Variants in MLXIPL observed in about 807,000 individuals in gnomAD.
MLXIPL encodes carbohydrate-responsive element-binding protein.
A neutral mutation model predicts 81.5 loss-of-function variants in MLXIPL; 49 were observed. The ratio of observed to expected loss-of-function variants is 0.60; its 90% CI spans 0.48 to 0.76. MLXIPL has a LOEUF of 0.76. Ranked by LOEUF, MLXIPL falls within the 30% of genes least tolerant of loss-of-function variation. The pLI is 0.00. For synonymous variants in MLXIPL, 466 were observed against 485.5 expected, an observed-to-expected ratio of 0.96 and a Z score of 0.53; for missense variants, 1,053 against 1,167.0, an observed-to-expected ratio of 0.90 and a Z score of 1.42.
chr7:73,635,665 A>C, the MLXIPL span, among the ~76,000 whole-genome samples: 4 of 150,802 alleles, frequency 2.7e-5, no homozygotes, highest in African/African-American at 9.8e-5. Context: ...TCTTCTATCT[A>C]TCCATCCATC....
the MLXIPL span, among the ~76,000 whole-genome samples, chr7:73,632,882 C>T: frequency 6.6e-6 from 1 of 151,200 alleles, no homozygotes; most frequent in Non-Finnish European, 1.5e-5. Context: ...TAGCTTCAAG[C>T]GATTCTCCTG....
At chr7:73,612,908 G>C (rs1265322898) in intron 2 of MLXIPL, among the ~76,000 whole-genome samples, 10 of 152,290 alleles carry the variant, frequency 6.6e-5, no homozygotes, top group Middle Eastern at 3.4e-3. Context: ...CAGCTTAGCG[G>C]GAGAGATAAG....
rs375307110 is a variant in MLXIPL, at chr7:73,597,686, C to A, written c.1099G>T (p.Asp367Tyr). 7.3e-7 allele frequency: 1 copy of A among 1,366,660 alleles called. No individual in the cohort carries two copies. Among genetic ancestry groups the A allele is most frequent in the Non-Finnish European group, 9.4e-7 (1 of 1,063,946 alleles). The allele number at this position is 1,366,660 out of a possible 1,614,324, so 84.7% of individuals were successfully genotyped here. The change falls in exon 9 of 17, where the codon GAC (aspartate) becomes TAC (tyrosine). Residue 367 changes from aspartate (D) to tyrosine (Y), a missense_variant. By Grantham distance (160) the Asp-to-Tyr change is radical. Transcript: ENST00000313375. The part of the protein sequence containing the change: ...QARNSCPGPL[D>Y]SSAFLSSDFL... ...TCAGAACTCAGGAAGGCGCTGGAGT[C>A]CAAGGGGCCAGGGCAGCTGTTCCGA... is the stretch of plus-strand genomic sequence containing the variant.
intron 7 of MLXIPL, among the ~76,000 whole-genome samples, chr7:73,602,542 T>A (rs1584099407): frequency 1.3e-5 from 2 of 149,542 alleles, no homozygotes; most frequent in South Asian, 4.2e-4. Flanking sequence ...TAGTCAGGCG[T>A]GGTGGCGGGC....
upstream of MLXIPL, chr7:73,624,687 G>A: frequency 1.7e-6 from 2 of 1,149,606 alleles, no homozygotes; most frequent in Non-Finnish European, 2.3e-6. Context: ...GAGCTCTGGC[G>A]GGTTGGCCCC....
chr7:73,636,829 AG>A, the MLXIPL span, among the ~76,000 whole-genome samples: 1 of 152,194 alleles, frequency 6.6e-6, no homozygotes, highest in Non-Finnish European at 1.5e-5. Context: ...TGGGAGACCA[AG>A]GCGGGTGGGT....
the MLXIPL span, among the ~76,000 whole-genome samples, chr7:73,634,284 C>T: frequency 6.6e-6 from 1 of 152,070 alleles, no homozygotes; most frequent in Admixed American, 6.6e-5. Context: ...TAATCCAAAA[C>T]ACTTTGAGAG....
At chr7:73,631,596 T>C in the MLXIPL span, among the ~76,000 whole-genome samples, 13 of 125,810 alleles carry the variant, frequency 1.0e-4, no homozygotes, top group Non-Finnish European at 1.9e-4. Flanking sequence ...TAGGTAGAGA[T>C]GGGGTCTGCT....
At chr7:73,602,505 T>C (rs1190813201) in intron 7 of MLXIPL, among the ~76,000 whole-genome samples, 2 of 145,884 alleles carry the variant, frequency 1.4e-5, no homozygotes, top group African/African-American at 2.7e-5. Flanking sequence ...ACCCCGTTTC[T>C]ACTAAAAAAA....
At position 73,606,137 on chromosome 7, in the gene MLXIPL, C is replaced by T. The variant is rs3812317; in HGVS notation, c.619-26G>A. 6.2e-5 allele frequency: 96 copies of T among 1,555,126 alleles called. 1 individual carries two copies. The Admixed American group carries it at 7.2e-4, about 12-fold the overall frequency. Reference sequence around the variant, plus strand: ...CTAGGGAGACAGAGCCGTCAGCAGCCGCTAGAGAGCTCCCACTGCCCCGAT... The same window carrying T: ...CTAGGGAGACAGAGCCGTCAGCAGCTGCTAGAGAGCTCCCACTGCCCCGAT... On this transcript the variant is annotated intron_variant, in intron 5 of 16. Transcript: ENST00000313375.
intron 5 of MLXIPL, chr7:73,606,372 A>T: frequency 1.9e-6 from 1 of 528,318 alleles, no homozygotes; most frequent in Non-Finnish European, 3.3e-6. Flanking sequence ...CCTGTCTGGG[A>T]CCCCAGTTCT....
Position 73,593,898 on chromosome 7 carries a change from T to G in MLXIPL, c.2526A>C (p.Ala842=). The change falls in exon 17 of 17, where the codon GCA becomes GCC. Residue 842 remains alanine, a synonymous_variant. Coordinates refer to ENST00000313375, the MANE Select transcript of MLXIPL (RefSeq NM_032951.3). ...GTTTGCCAAGGGTGCCCTCTGTGACTGCCCGTGTGGCTTGCTCAGGGATGC... is the reference window on the plus strand; with the variant it reads ...GTTTGCCAAGGGTGCCCTCTGTGACGGCCCGTGTGGCTTGCTCAGGGATGC... ...PGRIPEQATR[A]VTEGTLGKPL 2 of 1,614,134 alleles carry G rather than the reference T, an allele frequency of 1.2e-6. No homozygotes were observed. Among genetic ancestry groups the G allele is most frequent in the Non-Finnish European group, 1.7e-6 (2 of 1,180,004 alleles).
At chr7:73,645,135 T>C in the MLXIPL span, among the ~76,000 whole-genome samples, 1 of 152,076 alleles carries the variant, frequency 6.6e-6, no homozygotes, top group Non-Finnish European at 1.5e-5. Flanking sequence ...CAAGTGATCG[T>C]CCTGTGTCAG....
the MLXIPL span, among the ~76,000 whole-genome samples, chr7:73,631,550 T>A: frequency 6.8e-6 from 1 of 147,164 alleles, no homozygotes; most frequent in Admixed American, 6.8e-5. Context: ...CTATGAAGGA[T>A]GTTGCTACTT....
At position 73,596,286 on chromosome 7, in the gene MLXIPL, G is replaced by A; in HGVS notation, c.1939-14C>T. On this transcript the variant is annotated splice_polypyrimidine_tract_variant and intron_variant, in intron 12 of 16. Transcript: ENST00000313375. This position sits in a 1 kb window ranked among gnomAD's most constrained non-coding sequence, Gnocchi z 4.7. ...CCGGTTCTCGGTCTCGGGGAGCAGA[G>A]AGTTGGGTGAGCCTAGGAAGGAGCC... is the stretch of plus-strand genomic sequence containing the variant. The A allele has an allele frequency of 6.2e-7, 1 of 1,613,220 alleles. No homozygotes were observed. The highest frequency in any genetic ancestry group is 1.1e-5 in the South Asian group (1 of 91,048).
In MLXIPL at chr7:73,596,064, A is replaced by G. The variant is rs1290651062; in HGVS notation, c.2058+89T>C. On this transcript the variant is annotated intron_variant, in intron 13 of 16. Transcript: ENST00000313375. This position sits in a 1 kb window ranked among gnomAD's most constrained non-coding sequence, Gnocchi z 4.7. ...GATGGGAGGAGGCAAGAGTGTCTGG[A>G]GCACTCCCCTGCAATTGAGTTTTGG... The G allele has an allele frequency of 5.0e-6, 8 of 1,598,438 alleles. No homozygotes were observed. Among genetic ancestry groups the G allele is most frequent in the Non-Finnish European group, 6.8e-6 (8 of 1,175,426 alleles).
chr7:73,637,844 C>T, the MLXIPL span, among the ~76,000 whole-genome samples: 9 of 152,226 alleles, frequency 5.9e-5, no homozygotes, highest in Admixed American at 3.9e-4. Flanking sequence ...AGGTCGGGTC[C>T]GGGGCCTGCC....
At position 73,600,599 on chromosome 7, in the gene MLXIPL, C is replaced by T. The variant is rs1179196624; in HGVS notation, c.902-904G>A. ...GGCAAGAGGGGCTAAGGGTGGGCTC[C>T]AAGTAGGGTGGGGATGAGAGGGGGC... On this transcript the variant is annotated intron_variant, in intron 7 of 16. Coordinates refer to ENST00000313375, the MANE Select transcript of MLXIPL (RefSeq NM_032951.3). Among the ~76,000 whole-genome samples, 3 of 65,746 alleles carry T rather than the reference C, an allele frequency of 4.6e-5. No individual in the cohort carries two copies. In the Admixed American group the frequency reaches 5.9e-4, roughly 13 times the overall value. 43.1% of individuals were successfully genotyped at this position (65,746 alleles called of 152,430 possible). A position where few individuals can be genotyped will look rare whatever the true frequency, so the allele number is the denominator to read the frequency against.
chr7:73,638,543 A>C, the MLXIPL span, among the ~76,000 whole-genome samples: 9 of 151,402 alleles, frequency 5.9e-5, no homozygotes, highest in Non-Finnish European at 1.0e-4. Context: ...TGGCCTCCCA[A>C]AGTGCTGGGA....
Sources: allele counts gnomAD v4.1 joint callset (sites outside exome capture counted in the v4.1 genomes callset), GRCh38; gene constraint gnomAD v4.1.1; non-coding constraint Gnocchi (gnomAD v3.1); transcripts MANE v1.5; gene names NCBI Gene and HGNC (gene_info 2026-07-23, HGNC 2026-07-21).